The following BMAL2 variants were observed in gnomAD, a reference collection of about 807,000 sequenced individuals.
BMAL2 encodes the protein basic helix-loop-helix ARNT like 2.
At chr12:27,418,700 C>T in the BMAL2 span, among the ~76,000 whole-genome samples, 2 of 149,904 alleles carry the variant, frequency 1.3e-5, no homozygotes, top group Non-Finnish European at 3.0e-5. Context: ...CTACCATTGG[C>T]TGGGCATGGT....
chr12:27,390,101 T>C, the BMAL2 span: 1 of 1,613,696 alleles, frequency 6.2e-7, no homozygotes, highest in Non-Finnish European at 8.5e-7. Context: ...GAAAGCTGGT[T>C]TGCAAGTTCA....
the BMAL2 span, among the ~76,000 whole-genome samples, chr12:27,408,688 C>G: frequency 5.3e-5 from 8 of 152,144 alleles, no homozygotes; most frequent in African/African-American, 1.9e-4. Context: ...TGGCACAAGA[C>G]AGGGATGCCG....
the BMAL2 span, among the ~76,000 whole-genome samples, chr12:27,375,783 G>C: frequency 1.3e-5 from 2 of 152,178 alleles, no homozygotes; most frequent in Non-Finnish European, 2.9e-5. Context: ...TTTCATTTTA[G>C]TAATCGTCTG....
the BMAL2 span, among the ~76,000 whole-genome samples, chr12:27,352,358 C>T: frequency 1.3e-4 from 20 of 152,196 alleles, no homozygotes; most frequent in African/African-American, 4.1e-4. Context: ...CCTCATGTGA[C>T]GGGTCACAGT....
At chr12:27,379,279 C>G in the BMAL2 span, among the ~76,000 whole-genome samples, 99 of 152,292 alleles carry the variant, frequency 6.5e-4, no homozygotes, top group Non-Finnish European at 1.2e-3. Context: ...TTTTAGATTT[C>G]TTGAGAATCA....
At chr12:27,415,925 C>A in the BMAL2 span, 8 of 1,602,486 alleles carry the variant, frequency 5.0e-6, no homozygotes, top group Non-Finnish European at 6.8e-6. Flanking sequence ...ATGAAAGATA[C>A]TCATACTGTA....
the BMAL2 span, among the ~76,000 whole-genome samples, chr12:27,391,514 C>G: frequency 6.6e-6 from 1 of 152,114 alleles, no homozygotes; most frequent in Non-Finnish European, 1.5e-5. Context: ...GTGCATATGT[C>G]TTTTTGGTAG....
the BMAL2 span, among the ~76,000 whole-genome samples, chr12:27,380,685 C>A: frequency 8.5e-5 from 13 of 152,294 alleles, no homozygotes; most frequent in African/African-American, 2.9e-4. Flanking sequence ...GAGAATATCA[C>A]CTGCCTTTCA....
the BMAL2 span, chr12:27,380,254 C>T: frequency 1.2e-6 from 2 of 1,614,046 alleles, no homozygotes; most frequent in Non-Finnish European, 1.7e-6. Flanking sequence ...TAGAGAAGCT[C>T]ATAGCCAAAC....
chr12:27,401,402 A>G, the BMAL2 span: 29 of 1,575,340 alleles, frequency 1.8e-5, no homozygotes, highest in Non-Finnish European at 2.3e-5. Context: ...TGGGGAATTT[A>G]AAATGACAGT....
the BMAL2 span, among the ~76,000 whole-genome samples, chr12:27,384,930 C>G: frequency 6.6e-6 from 1 of 152,042 alleles, no homozygotes; most frequent in African/African-American, 2.4e-5. Context: ...ATATATAGCT[C>G]TTAATGTGCA....
the BMAL2 span, chr12:27,424,953 G>A: frequency 6.6e-6 from 1 of 152,298 alleles, no homozygotes; most frequent in African/African-American, 2.4e-5. Flanking sequence ...TGCTTTCCAA[G>A]GGAGGTCTAG....
At chr12:27,355,707 C>T in the BMAL2 span, among the ~76,000 whole-genome samples, 5 of 152,284 alleles carry the variant, frequency 3.3e-5, no homozygotes, top group African/African-American at 4.8e-5. Flanking sequence ...ACATGCCAGC[C>T]GAGCTCTATG....
At chr12:27,395,377 A>G in the BMAL2 span, among the ~76,000 whole-genome samples, 4 of 152,200 alleles carry the variant, frequency 2.6e-5, no homozygotes, top group African/African-American at 9.7e-5. Context: ...TGGGAGCTCA[A>G]GTCAGTCACT....
the BMAL2 span, among the ~76,000 whole-genome samples, chr12:27,356,807 A>G: frequency 6.6e-6 from 1 of 152,220 alleles, no homozygotes; most frequent in South Asian, 2.1e-4. Flanking sequence ...GTTTGGTTAC[A>G]TGAATAAGTT....
At chr12:27,396,736 A>G in the BMAL2 span, among the ~76,000 whole-genome samples, 2 of 152,238 alleles carry the variant, frequency 1.3e-5, no homozygotes, top group African/African-American at 4.8e-5. Flanking sequence ...CCCTGGAACC[A>G]CATATTCACT....
the BMAL2 span, among the ~76,000 whole-genome samples, chr12:27,382,628 C>T: frequency 6.6e-6 from 1 of 152,186 alleles, no homozygotes; most frequent in African/African-American, 2.4e-5. Flanking sequence ...GTGCTGCTCA[C>T]AAGCAAGATG....
the BMAL2 span, among the ~76,000 whole-genome samples, chr12:27,355,134 G>T: frequency 6.6e-6 from 1 of 152,066 alleles, no homozygotes. Context: ...TTATTGCCTT[G>T]ATTTTGGTTT....
At chr12:27,371,263 T>A in the BMAL2 span, among the ~76,000 whole-genome samples, 1 of 152,122 alleles carries the variant, frequency 6.6e-6, no homozygotes, top group Non-Finnish European at 1.5e-5. Flanking sequence ...CGGGAAGATC[T>A]CTTGAGCCCA....
Sources: gnomAD v4.1 joint callset for allele counts (sites outside exome capture counted in the v4.1 genomes callset) on GRCh38, gnomAD v4.1.1 for gene constraint, MANE v1.5 for transcripts, NCBI Gene and HGNC (gene_info 2026-07-23, HGNC 2026-07-21) for gene names.